The following DGKB variants were observed in gnomAD, a reference collection of about 807,000 sequenced individuals.
The protein encoded by DGKB is diacylglycerol kinase beta.
A neutral mutation model predicts 114.3 loss-of-function variants in DGKB; 67 were observed. That is an observed-to-expected ratio of 0.59 (90% CI 0.48 to 0.72). The LOEUF (loss-of-function observed/expected upper bound fraction) is 0.72, where lower values mean the gene tolerates loss of function less well. Among genes scored for constraint, DGKB ranks in the 30% least tolerant of loss-of-function variants. The pLI, the probability that DGKB is intolerant of heterozygous loss-of-function variation, is 0.00. For synonymous variants in DGKB, 398 were observed against 323.1 expected (o/e 1.23, Z -2.49); for missense variants, 907 against 975.2 (o/e 0.93, Z 0.93).
intron 20 of DGKB, among the ~76,000 whole-genome samples, chr7:14,482,367 T>G (rs1485141275): frequency 6.6e-6 from 1 of 152,014 alleles, no homozygotes; most frequent in Non-Finnish European, 1.5e-5. Context: ...ATGAGGAAAT[T>G]TTTGCTTTGG....
chr7:14,794,190 C>A (rs988645693), intron 2 of DGKB, among the ~76,000 whole-genome samples: 4 of 152,056 alleles, frequency 2.6e-5, no homozygotes, highest in African/African-American at 9.7e-5. Context: ...ATTTTGGAAC[C>A]AAGAGTGGTT....
intron 1 of DGKB, among the ~76,000 whole-genome samples, chr7:14,955,782 C>T (rs1394425849): frequency 6.6e-6 from 1 of 152,036 alleles, no homozygotes; most frequent in Non-Finnish European, 1.5e-5. Flanking sequence ...GAGAAAACTT[C>T]ACAGATGATA....
chr7:14,761,242 G>C (rs183216666), intron 2 of DGKB, among the ~76,000 whole-genome samples: 59 of 152,214 alleles, frequency 3.9e-4, no homozygotes, highest in African/African-American at 1.2e-3. Flanking sequence ...GATTTGACCG[G>C]TCAATCTTCT....
chr7:14,860,636 A>G (rs1850838473), intron 1 of DGKB, among the ~76,000 whole-genome samples: 1 of 151,980 alleles, frequency 6.6e-6, no homozygotes. Context: ...ACATTTATCT[A>G]GAGAAAAATT....
Position 14,970,277 on chromosome 7 carries a change from T to C in DGKB, c.-188+4419A>G, listed in dbSNP as rs552939738. ...CAGGCATCCTGCTACATCTGGAGAA[T>C]TCAGCATTGAACAACATAGAGTTTC... is the stretch of plus-strand genomic sequence containing the variant. On this transcript the variant is annotated intron_variant, in intron 1 of 4. Transcript: ENST00000437998. Among the ~76,000 whole-genome samples, 5 of 152,234 alleles carry C rather than the reference T, an allele frequency of 3.3e-5. No homozygotes were observed. The East Asian group carries it at 9.7e-4, about 29-fold the overall frequency.
intron 23 of DGKB, among the ~76,000 whole-genome samples, chr7:14,196,959 C>A (rs183446838): frequency 5.9e-5 from 9 of 152,198 alleles, no homozygotes; most frequent in Non-Finnish European, 1.0e-4. Context: ...AATACAGCAA[C>A]ATTCATGACT....
chr7:14,833,485 C>A (rs1846708563), intron 2 of DGKB, among the ~76,000 whole-genome samples: 1 of 152,066 alleles, frequency 6.6e-6, no homozygotes, highest in Non-Finnish European at 1.5e-5. Context: ...ATAGGAAAAG[C>A]TAGACTCCAG....
intron 21 of DGKB, among the ~76,000 whole-genome samples, chr7:14,386,798 G>A (rs1012318920): frequency 6.6e-6 from 1 of 152,052 alleles, no homozygotes; most frequent in African/African-American, 2.4e-5. Flanking sequence ...AGGGTGGGTG[G>A]CAGAAGGACA....
At chr7:14,263,050 C>A (rs1562777522) in intron 23 of DGKB, among the ~76,000 whole-genome samples, 1 of 152,034 alleles carries the variant, frequency 6.6e-6, no homozygotes, top group Non-Finnish European at 1.5e-5. Context: ...AAATACTATG[C>A]ATTATGTAAA....
At chr7:14,418,245 G>A (rs1302924649) in intron 21 of DGKB, among the ~76,000 whole-genome samples, 2 of 125,914 alleles carry the variant, frequency 1.6e-5, no homozygotes, top group Non-Finnish European at 1.7e-5. Context: ...TTTTATATAT[G>A]TGTGTATATA....
chr7:14,635,333 T>C (rs1810532628), intron 13 of DGKB, among the ~76,000 whole-genome samples: 2 of 87,834 alleles, frequency 2.3e-5, no homozygotes, highest in African/African-American at 6.1e-5. Flanking sequence ...AATAAAAACA[T>C]GTATTTGGGG....
At chr7:14,824,651 A>G (rs1469961644) in intron 2 of DGKB, among the ~76,000 whole-genome samples, 1 of 152,068 alleles carries the variant, frequency 6.6e-6, no homozygotes, top group African/African-American at 2.4e-5. Flanking sequence ...ACAGCACGTC[A>G]CAACATATTT....
chr7:14,460,737 G>T (rs910259503), intron 21 of DGKB, among the ~76,000 whole-genome samples: 2 of 152,162 alleles, frequency 1.3e-5, no homozygotes, highest in Non-Finnish European at 2.9e-5. Flanking sequence ...CTTGAACTCA[G>T]CTCCAGACCA....
intron 1 of DGKB, among the ~76,000 whole-genome samples, chr7:14,957,722 T>C (rs1228251688): frequency 1.3e-5 from 2 of 152,078 alleles, no homozygotes; most frequent in African/African-American, 4.8e-5. Flanking sequence ...TAATTACTTT[T>C]CTGTATTACC....
intron 21 of DGKB, among the ~76,000 whole-genome samples, chr7:14,383,514 A>G (rs1819817513): frequency 6.6e-6 from 1 of 152,154 alleles, no homozygotes; most frequent in East Asian, 1.9e-4. Flanking sequence ...TTGGCTTTCC[A>G]GTGTCATCAG....
In DGKB at chr7:14,433,306, C is replaced by T. The variant is rs62443276; in HGVS notation, c.1835+44855G>A. Among the ~76,000 whole-genome samples the T allele has an allele frequency of 5.2e-3, 788 of 152,276 alleles. 5 individuals carry two copies. The highest frequency in any genetic ancestry group is 0.017 in the Middle Eastern group (5 of 292). On this transcript the variant is annotated intron_variant, in intron 21 of 25. Coordinates refer to ENST00000402815, the MANE Select transcript of DGKB (RefSeq NM_001350709.2). ...ACTCTTCTCAATCCAATTTCCTCCA[C>T]TGCTTTGCAGGTATTGATCTCAACA...
chr7:14,239,309 A>T (rs185951190), intron 23 of DGKB, among the ~76,000 whole-genome samples: 7 of 142,982 alleles, frequency 4.9e-5, no homozygotes, highest in Non-Finnish European at 6.1e-5. Flanking sequence ...AAGTTTTTTT[A>T]AATGTTAAAA....
chr7:14,284,119 A>T (rs1194948261), intron 23 of DGKB, among the ~76,000 whole-genome samples: 3 of 152,146 alleles, frequency 2.0e-5, no homozygotes, highest in Non-Finnish European at 4.4e-5. Context: ...TGCTCATCTG[A>T]CAAAGGGCTA....
intron 21 of DGKB, among the ~76,000 whole-genome samples, chr7:14,435,850 T>C (rs1435061334): frequency 6.6e-6 from 1 of 152,152 alleles, no homozygotes; most frequent in Non-Finnish European, 1.5e-5. Context: ...TTTGGAAATA[T>C]GTTCTGAGCT....
Sources: allele counts gnomAD v4.1 joint callset (sites outside exome capture counted in the v4.1 genomes callset), GRCh38; gene constraint gnomAD v4.1.1; transcripts MANE v1.5; gene names NCBI Gene and HGNC (gene_info 2026-07-23, HGNC 2026-07-21).